The following CACNG2 variants were observed in gnomAD, a reference collection of about 807,000 sequenced individuals.
CACNG2 encodes voltage-dependent calcium channel gamma-2 subunit.
Under a neutral mutation model 25.9 loss-of-function variants are expected in CACNG2, and 3 were observed. The observed-to-expected ratio is 0.12, with a 90% confidence interval of 0.05 to 0.30. CACNG2 has a LOEUF of 0.30. Among genes scored for constraint, CACNG2 ranks in the 10% least tolerant of loss-of-function variants. The pLI is 1.00. For missense variants in CACNG2, 341 were observed against 432.5 expected (o/e 0.79, Z 1.88); for synonymous variants, 167 against 173.3 (o/e 0.96, Z 0.29).
At chr22:36,650,037 C>A (rs1936583543) in intron 1 of CACNG2, among the ~76,000 whole-genome samples, 1 of 152,238 alleles carries the variant, frequency 6.6e-6, no homozygotes, top group African/African-American at 2.4e-5. Context: ...CACACCACCA[C>A]CAACTCCTGC....
Position 36,662,314 on chromosome 22 carries a change from C to A in CACNG2, c.211+40052G>T, listed in dbSNP as rs951327709. ...TGCTATTCTAAGCCATCTTGTGAAG[C>A]GGTTACAGCGATCACATCCTCACTT... is the stretch of plus-strand genomic sequence containing the variant. On this transcript the variant is annotated intron_variant, in intron 1 of 3. Coordinates refer to ENST00000300105, the MANE Select transcript of CACNG2 (RefSeq NM_006078.5). Among the ~76,000 whole-genome samples the A allele has an allele frequency of 1.3e-5, 2 of 152,088 alleles. 1 individual carries two copies. Among genetic ancestry groups the A allele is most frequent in the East Asian group, 3.9e-4 (2 of 5,188 alleles).
intron 1 of CACNG2, among the ~76,000 whole-genome samples, chr22:36,623,832 C>T (rs1936143931): frequency 6.6e-6 from 1 of 152,140 alleles, no homozygotes; most frequent in African/African-American, 2.4e-5. Context: ...TTCATTGAGT[C>T]CTCTTGTCAT....
At chr22:36,634,155 C>G (rs1936319828) in intron 1 of CACNG2, among the ~76,000 whole-genome samples, 1 of 152,196 alleles carries the variant, frequency 6.6e-6, no homozygotes, top group Non-Finnish European at 1.5e-5. Flanking sequence ...GTGGCAGAGA[C>G]TACTATGAAC....
rs117941476 is a variant in CACNG2, at chr22:36,686,657, C to T, written c.211+15709G>A. Among the ~76,000 whole-genome samples, 327 of 152,258 alleles carry T rather than the reference C, an allele frequency of 2.1e-3. 1 individual carries two copies. Among genetic ancestry groups the T allele is most frequent in the Non-Finnish European group, 2.6e-3 (179 of 68,018 alleles). On this transcript the variant is annotated intron_variant, in intron 1 of 3. Coordinates refer to ENST00000300105, the MANE Select transcript of CACNG2 (RefSeq NM_006078.5). ...CACAAGCATGAGTGAGCTGCTACTA[C>T]GTGCCAGGCACCGTGTCAGGTGCTG...
intron 1 of CACNG2, among the ~76,000 whole-genome samples, chr22:36,690,621 C>A (rs2413414): frequency 0.6 from 90,584 of 151,988 alleles, 28,553 homozygotes; most frequent in East Asian, 0.77. Context: ...TGATTATCCC[C>A]ATTTTACACG....
chr22:36,680,873 TATCACCACCACCACCATCACCATC>T (rs1169997777), intron 1 of CACNG2, among the ~76,000 whole-genome samples: 2 of 131,820 alleles, frequency 1.5e-5, no homozygotes, highest in Non-Finnish European at 3.3e-5. Flanking sequence ...TCACCATCAC[TATCACCACCACCACCATCACCATC>T]ATCACCACCA....
At chr22:36,678,624 C>T (rs1489813263) in intron 1 of CACNG2, among the ~76,000 whole-genome samples, 1 of 150,048 alleles carries the variant, frequency 6.7e-6, no homozygotes, top group African/African-American at 2.5e-5. Flanking sequence ...CATGCGATAA[C>T]ATTCCCCCTA....
intron 1 of CACNG2, among the ~76,000 whole-genome samples, chr22:36,682,979 T>C (rs1054556447): frequency 5.9e-5 from 9 of 152,230 alleles, no homozygotes. Flanking sequence ...ATCAGCTTCA[T>C]TGCGAGAACG....
chr22:36,597,844 C>T (rs1013700729), intron 1 of CACNG2, among the ~76,000 whole-genome samples: 1 of 152,276 alleles, frequency 6.6e-6, no homozygotes, highest in Non-Finnish European at 1.5e-5. Flanking sequence ...GTGGCGGGGG[C>T]CACACTTTGG....
chr22:36,566,169 G>T (rs1935120270), intron 3 of CACNG2, among the ~76,000 whole-genome samples, 184 bp downstream of exon 3: 2 of 152,160 alleles, frequency 1.3e-5, no homozygotes, highest in Admixed American at 6.5e-5. Context: ...ATTTGGTACA[G>T]GCTCGGGAGT....
intron 1 of CACNG2, among the ~76,000 whole-genome samples, chr22:36,665,143 T>A (rs1213333640): frequency 6.6e-6 from 1 of 152,202 alleles, no homozygotes; most frequent in Admixed American, 6.5e-5. Flanking sequence ...TCCTTGCTCC[T>A]CTCCAAGCCT....
intron 1 of CACNG2, among the ~76,000 whole-genome samples, chr22:36,591,122 C>T (rs1472977337): frequency 1.3e-5 from 2 of 151,892 alleles, no homozygotes; most frequent in Non-Finnish European, 2.9e-5. Flanking sequence ...CTGCAAGCTC[C>T]GCCTCCCGGG....
chr22:36,573,030 C>T (rs1358750129), intron 2 of CACNG2, among the ~76,000 whole-genome samples: 1 of 152,130 alleles, frequency 6.6e-6, no homozygotes, highest in Non-Finnish European at 1.5e-5. Flanking sequence ...GGATAACGTG[C>T]TATGAAAGAA....
intron 1 of CACNG2, among the ~76,000 whole-genome samples, chr22:36,688,669 C>T (rs1294958020): frequency 2.6e-5 from 4 of 152,036 alleles, no homozygotes; most frequent in African/African-American, 9.7e-5. Flanking sequence ...TGGTTATCCT[C>T]ATGGTAGAGG....
At chr22:36,635,143 G>A (rs556365021) in intron 1 of CACNG2, among the ~76,000 whole-genome samples, 2 of 152,210 alleles carry the variant, frequency 1.3e-5, no homozygotes, top group East Asian at 3.9e-4. Flanking sequence ...AATTAGCCAG[G>A]TGTGGTGGCA....
intron 1 of CACNG2, among the ~76,000 whole-genome samples, chr22:36,685,717 G>A (rs1394983193): frequency 1.3e-5 from 2 of 152,242 alleles, no homozygotes; most frequent in African/African-American, 4.8e-5. Context: ...CGCTGTTCCG[G>A]GACCAAGGCG....
At chr22:36,648,808 TC>T (rs1490602696) in intron 1 of CACNG2, among the ~76,000 whole-genome samples, 3 of 152,098 alleles carry the variant, frequency 2.0e-5, no homozygotes, top group Non-Finnish European at 4.4e-5. Context: ...TCATATCCCA[TC>T]CATCAGCGAG....
chr22:36,670,192 T>C (rs1188408162), intron 1 of CACNG2, among the ~76,000 whole-genome samples: 1 of 152,190 alleles, frequency 6.6e-6, no homozygotes, highest in Non-Finnish European at 1.5e-5. Context: ...CGTTGGATGC[T>C]GGGCTAGATG....
intron 2 of CACNG2, among the ~76,000 whole-genome samples, chr22:36,585,623 C>T (rs1204980789): frequency 2.0e-5 from 3 of 152,128 alleles, no homozygotes; most frequent in Admixed American, 1.3e-4. Context: ...GTAAATGGGA[C>T]AGAGATTGCA....
Sources: gnomAD v4.1 joint callset for allele counts (sites outside exome capture counted in the v4.1 genomes callset) on GRCh38, gnomAD v4.1.1 for gene constraint, MANE v1.5 for transcripts, NCBI Gene and HGNC (gene_info 2026-07-23, HGNC 2026-07-21) for gene names.